AK3: variants seen among roughly 807,000 people sequenced by gnomAD.
AK3 encodes the protein adenylate kinase 3.
A neutral mutation model predicts 23.7 loss-of-function variants in AK3; 27 were observed. That is an observed-to-expected ratio of 1.14 (90% CI 0.84 to 1.57). The LOEUF (loss-of-function observed/expected upper bound fraction) is 1.57, where lower values mean the gene tolerates loss of function less well. Ranked by LOEUF, AK3 falls within the 40% of genes most tolerant of loss-of-function variation. The pLI is 0.00. For missense variants in AK3, 406 were observed against 285.6 expected (o/e 1.42, Z -3.04); for synonymous variants, 159 against 116.0 (o/e 1.37, Z -2.38).
intron 4 of AK3, among the ~76,000 whole-genome samples, chr9:4,718,203 C>T (rs976121360): frequency 6.6e-6 from 1 of 152,206 alleles, no homozygotes; most frequent in African/African-American, 2.4e-5. Context: ...GAAGGCAAAA[C>T]CAAGAGAACG....
At position 4,741,197 on chromosome 9, in the gene AK3, G is replaced by A; in HGVS notation, c.-110C>T. 8.3e-7 allele frequency: 1 copy of A among 1,209,388 alleles called. No individual in the cohort carries two copies. Among genetic ancestry groups the A allele is most frequent in the Non-Finnish European group, 1.1e-6 (1 of 937,898 alleles). The allele number at this position is 1,209,388 out of a possible 1,614,324, so 74.9% of individuals were successfully genotyped here. ...CGGCTAGCAGCGCCACTAGCAGGCG[G>A]CTACTGCGGTTCCCCGGCGTTCCCG... On this transcript the variant is annotated 5_prime_UTR_variant, in exon 1 of 5. Transcript: ENST00000381809.
chr9:4,725,660 G>T (rs1371126711), intron 1 of AK3, among the ~76,000 whole-genome samples: 3 of 152,088 alleles, frequency 2.0e-5, no homozygotes, highest in Non-Finnish European at 4.4e-5. Context: ...TGGGATGGAA[G>T]AAAAATTTTG....
At chr9:4,731,756 C>A (rs1842159367) in intron 1 of AK3, among the ~76,000 whole-genome samples, 1 of 152,050 alleles carries the variant, frequency 6.6e-6, no homozygotes, top group Non-Finnish European at 1.5e-5. Context: ...TAACAGACTC[C>A]TCATAAAAAT....
Position 4,719,276 on chromosome 9 carries a change from G to C in AK3, c.303C>G (p.Ala101=). 2.5e-6 allele frequency: 4 copies of C among 1,583,004 alleles called. No individual in the cohort carries two copies. The highest frequency in any genetic ancestry group is 3.4e-6 in the Non-Finnish European group (4 of 1,160,872). ...TGTCGATCTGATAAGCTCTATCTAG[G>C]GCTTCTGCCTGTGGAAGTGTCCTTG... The part of the protein sequence containing the change: ...GFPRTLPQAE[A]LDRAYQIDTV... Residue 101 remains alanine (A), a synonymous_variant, in exon 3 of 5, where the codon GCC becomes GCG. Transcript: ENST00000381809.
At chr9:4,715,357 T>C (rs1841697497) in intron 4 of AK3, among the ~76,000 whole-genome samples, 1 of 151,222 alleles carries the variant, frequency 6.6e-6, no homozygotes, top group African/African-American at 2.4e-5. Flanking sequence ...GTCTTTCACT[T>C]CATCTTCGCA....
intron 1 of AK3, among the ~76,000 whole-genome samples, chr9:4,729,151 C>A (rs899707121): frequency 6.6e-6 from 1 of 151,560 alleles, no homozygotes; most frequent in South Asian, 2.1e-4. Context: ...GCTGGGATTA[C>A]AGGCATGCGC....
At chr9:4,728,145 G>GAAAT (rs1029249748) in intron 1 of AK3, among the ~76,000 whole-genome samples, 9 of 152,146 alleles carry the variant, frequency 5.9e-5, no homozygotes, top group African/African-American at 2.2e-4. Context: ...ATGTAAAATA[G>GAAAT]AAATGGGAAG....
chr9:4,733,777 T>A (rs12347371), intron 1 of AK3, among the ~76,000 whole-genome samples: 8,391 of 152,218 alleles, frequency 0.055, 320 homozygotes, highest in South Asian at 0.19. Context: ...CACTTCACCC[T>A]GAAACCACAC....
At chr9:4,723,052 C>T (rs892337937) in intron 1 of AK3, among the ~76,000 whole-genome samples, 7 of 149,944 alleles carry the variant, frequency 4.7e-5, no homozygotes, top group African/African-American at 2.5e-5. Flanking sequence ...GCCTGGGCAA[C>T]AGAGTGAGAC....
intron 1 of AK3, among the ~76,000 whole-genome samples, chr9:4,735,871 T>C (rs895310200): frequency 4.6e-5 from 7 of 152,024 alleles, no homozygotes; most frequent in African/African-American, 1.7e-4. Context: ...TCCCAGAACT[T>C]TGAGAAGCCG....
chr9:4,737,200 A>C (rs973918946), intron 1 of AK3, among the ~76,000 whole-genome samples: 3 of 151,846 alleles, frequency 2.0e-5, no homozygotes, highest in African/African-American at 7.2e-5. Context: ...TATAATTTTC[A>C]TGAAATACAG....
chr9:4,720,038 C>T (rs932032271), intron 2 of AK3, among the ~76,000 whole-genome samples: 1 of 152,184 alleles, frequency 6.6e-6, no homozygotes, highest in African/African-American at 2.4e-5. Context: ...GCACTCCAGC[C>T]TGGGTGACAG....
intron 1 of AK3, among the ~76,000 whole-genome samples, chr9:4,724,326 C>T (rs1029098272): frequency 6.6e-6 from 1 of 152,046 alleles, no homozygotes; most frequent in Non-Finnish European, 1.5e-5. Flanking sequence ...ATTGGCCTCT[C>T]CCCTCACCTC....
rs564498598 is a variant in AK3 at position 4,710,528 on chromosome 9, C to T, written c.*2448G>A. 2.6e-5 allele frequency: 4 copies of T among 152,312 alleles called. No individual in the cohort carries two copies. Among genetic ancestry groups the T allele is most frequent in the Admixed American group, 2.6e-4 (4 of 15,282 alleles). 9.4% of individuals were successfully genotyped at this position (152,312 alleles called of 1,614,324 possible). A position where few individuals can be genotyped will look rare whatever the true frequency, so the allele number is the denominator to read the frequency against. On this transcript the variant is annotated 3_prime_UTR_variant, in exon 5 of 5. Coordinates refer to ENST00000381809, the MANE Select transcript of AK3 (RefSeq NM_016282.4). ...GCCACCGCGCCCGGCCTCTCATTGG[C>T]TTTTAACAAAAGTATAGTAGTTTCT...
At chr9:4,734,909 A>T (rs371483001) in intron 1 of AK3, among the ~76,000 whole-genome samples, 1 of 152,168 alleles carries the variant, frequency 6.6e-6, no homozygotes, top group Non-Finnish European at 1.5e-5. Flanking sequence ...AAAAGACCAC[A>T]TATTGTATGA....
At chr9:4,721,823 G>T (rs1841904836) in intron 2 of AK3, among the ~76,000 whole-genome samples, 1 of 152,134 alleles carries the variant, frequency 6.6e-6, no homozygotes. Flanking sequence ...TTGTTTACTT[G>T]TTTACTACTT....
intron 2 of AK3, 114 bp downstream of exon 2, chr9:4,722,392 A>T (rs905627210): frequency 5.5e-6 from 8 of 1,458,992 alleles, no homozygotes; most frequent in Non-Finnish European, 7.4e-6. Flanking sequence ...AGTCCCAAGC[A>T]CCCCTCTCCC....
At chr9:4,719,452 G>A (rs575784988) in intron 2 of AK3, 145 bp from the exon 3 acceptor site, 63 of 748,862 alleles carry the variant, frequency 8.4e-5, no homozygotes, top group African/African-American at 3.2e-4. Flanking sequence ...CAGGCAGGCC[G>A]ATCACAGCTG....
chr9:4,732,864 CTCTCTCT>C (rs1842186042), intron 1 of AK3, among the ~76,000 whole-genome samples: 1 of 130,344 alleles, frequency 7.7e-6, no homozygotes, highest in African/African-American at 2.6e-5. Context: ...AGTTCTCTCT[CTCTCTCT>C]TTTTTTTTTT....
Sources: gnomAD v4.1 joint callset for allele counts (sites outside exome capture counted in the v4.1 genomes callset) on GRCh38, gnomAD v4.1.1 for gene constraint, MANE v1.5 for transcripts, NCBI Gene and HGNC (gene_info 2026-07-23, HGNC 2026-07-21) for gene names.